The following RBFOX2 variants were observed in gnomAD, a reference collection of about 807,000 sequenced individuals.
The protein encoded by RBFOX2 is RNA binding fox-1 homolog 2.
A neutral mutation model predicts 49.1 loss-of-function variants in RBFOX2; 10 were observed. The observed-to-expected ratio is 0.20, with a 90% CI of 0.13 to 0.35. The LOEUF (loss-of-function observed/expected upper bound fraction) is 0.35, where lower values mean the gene tolerates loss of function less well. Ranked by LOEUF, RBFOX2 falls within the 10% of genes least tolerant of loss-of-function variation. The pLI is 1.00. For synonymous variants in RBFOX2, 183 were observed against 187.4 expected (o/e 0.98, Z 0.19); for missense variants, 323 against 486.9 (o/e 0.66, Z 3.17).
chr22:35,952,469 C>A (rs187269516), intron 1 of RBFOX2, among the ~76,000 whole-genome samples: 1 of 152,176 alleles, frequency 6.6e-6, no homozygotes, highest in Non-Finnish European at 1.5e-5. Context: ...CCTCAAGGAA[C>A]TTTAGTCTAT....
intron 1 of RBFOX2, among the ~76,000 whole-genome samples, chr22:35,823,267 C>G (rs1171386300): frequency 6.6e-6 from 1 of 152,218 alleles, no homozygotes; most frequent in African/African-American, 2.4e-5. Context: ...TTTTCTGTCT[C>G]TTTCATTTTT....
intron 1 of RBFOX2, chr22:35,836,369 T>C (rs1485708637): frequency 6.6e-6 from 1 of 152,176 alleles, no homozygotes; most frequent in Non-Finnish European, 1.5e-5. Context: ...CTCCCTCTTC[T>C]CTTCTCCCAA....
At chr22:35,971,051 T>A (rs2056843111) in intron 1 of RBFOX2, among the ~76,000 whole-genome samples, 1 of 152,130 alleles carries the variant, frequency 6.6e-6, no homozygotes, top group African/African-American at 2.4e-5. Context: ...GAACAATTCA[T>A]AGTGCCTGCA....
At chr22:35,820,302 G>A (rs753103694) in intron 1 of RBFOX2, among the ~76,000 whole-genome samples, 4 of 152,198 alleles carry the variant, frequency 2.6e-5, no homozygotes, top group African/African-American at 4.8e-5. Context: ...GAGATGAAGA[G>A]GGTTTGGTGC....
intron 2 of RBFOX2, among the ~76,000 whole-genome samples, chr22:35,784,757 G>A (rs923170048): frequency 6.6e-6 from 1 of 152,248 alleles, no homozygotes; most frequent in Admixed American, 6.5e-5. Context: ...GGCCATGGTG[G>A]TGGCCCATGG....
intron 1 of RBFOX2, among the ~76,000 whole-genome samples, chr22:35,898,617 G>A (rs1340897340): frequency 4.6e-5 from 7 of 151,538 alleles, no homozygotes; most frequent in African/African-American, 7.3e-5. Context: ...TGGTAGAAAC[G>A]GGGTTTCACT....
intron 1 of RBFOX2, among the ~76,000 whole-genome samples, chr22:35,968,129 A>C (rs2056669802): frequency 6.6e-6 from 1 of 152,186 alleles, no homozygotes; most frequent in Admixed American, 6.5e-5. Context: ...AAAAAGCCAA[A>C]AGCCAAACTT....
At chr22:35,844,826 G>A (rs1368365770), upstream of RBFOX2, among the ~76,000 whole-genome samples, 1 of 151,944 alleles carries the variant, frequency 6.6e-6, no homozygotes, top group East Asian at 1.9e-4. Context: ...TTTATTTTCA[G>A]TATCTTTCAG....
chr22:35,990,044 A>G (rs1287009940), intron 1 of RBFOX2, among the ~76,000 whole-genome samples: 1 of 152,126 alleles, frequency 6.6e-6, no homozygotes, highest in Admixed American at 6.5e-5. Flanking sequence ...TCAGCTGGGC[A>G]TGGTAGCACA....
At chr22:35,902,330 C>A (rs2048687867) in intron 1 of RBFOX2, among the ~76,000 whole-genome samples, 3 of 152,048 alleles carry the variant, frequency 2.0e-5, no homozygotes, top group Admixed American at 2.0e-4. Flanking sequence ...CTTGCAAATA[C>A]CCTCAATCAT....
intron 2 of RBFOX2, among the ~76,000 whole-genome samples, chr22:35,803,097 T>C (rs1950067017): frequency 6.6e-6 from 1 of 151,902 alleles, no homozygotes; most frequent in African/African-American, 2.4e-5. Context: ...AGTGGCCGTA[T>C]ACTGTGTGGG....
At chr22:35,961,741 C>T (rs78630440), upstream of RBFOX2, 95,603 of 1,232,638 alleles carry the variant, frequency 0.078, 4,031 homozygotes, top group South Asian at 0.096. Context: ...GTTTTCCGTT[C>T]TCCCCACACC....
chr22:35,835,271 G>C (rs1452329493), intron 1 of RBFOX2, among the ~76,000 whole-genome samples: 1 of 152,138 alleles, frequency 6.6e-6, no homozygotes, highest in Non-Finnish European at 1.5e-5. Context: ...TCCCGGAGAG[G>C]AATGGTATAC....
At chr22:35,924,298 A>C (rs535852527) in intron 1 of RBFOX2, among the ~76,000 whole-genome samples, 55 of 152,300 alleles carry the variant, frequency 3.6e-4, no homozygotes, top group African/African-American at 1.2e-3. Context: ...CTTTATCTTA[A>C]ACGATCCTGT....
upstream of RBFOX2, among the ~76,000 whole-genome samples, chr22:35,940,552 TAG>T (rs1347917756): frequency 2.6e-5 from 4 of 152,170 alleles, no homozygotes; most frequent in African/African-American, 4.8e-5. Flanking sequence ...CTATTAAACA[TAG>T]AGTTATATGA....
intron 1 of RBFOX2, among the ~76,000 whole-genome samples, chr22:35,919,655 C>T (rs145972613): frequency 1.2e-4 from 19 of 152,242 alleles, no homozygotes; most frequent in African/African-American, 4.6e-4. Flanking sequence ...ATGCTAAAAG[C>T]CACACACTTT....
chr22:35,756,903 A>C (rs1937129989), intron 9 of RBFOX2, among the ~76,000 whole-genome samples: 1 of 152,116 alleles, frequency 6.6e-6, no homozygotes, highest in Admixed American at 6.5e-5. Context: ...CATTGCTTTC[A>C]CAAGCAGAGA....
At chr22:35,810,665 C>A (rs575947619) in intron 1 of RBFOX2, among the ~76,000 whole-genome samples, 2 of 152,240 alleles carry the variant, frequency 1.3e-5, no homozygotes, top group South Asian at 4.1e-4. Flanking sequence ...AAGTCCAAGT[C>A]TTTAGTCATC....
rs1490914054 is a variant in RBFOX2 at position 35,956,985 on chromosome 22, C to T, written c.42+4578G>A. Among the ~76,000 whole-genome samples the T allele has an allele frequency of 9.9e-5, 15 of 152,192 alleles. 1 individual carries two copies. Among genetic ancestry groups the T allele is most frequent in the Non-Finnish European group, 2.2e-4 (15 of 68,036 alleles). Reference sequence around the variant, plus strand: ...TGTTTGGTGGTGAAGAACATAACTACTCAGTCGTCATTACATTCTTTGGTA... The same window carrying T: ...TGTTTGGTGGTGAAGAACATAACTATTCAGTCGTCATTACATTCTTTGGTA... On this transcript the variant is annotated intron_variant, in intron 1 of 5. Transcript: ENST00000408983.
Sources: allele counts gnomAD v4.1 joint callset (sites outside exome capture counted in the v4.1 genomes callset), GRCh38; gene constraint gnomAD v4.1.1; transcripts MANE v1.5; gene names NCBI Gene and HGNC (gene_info 2026-07-23, HGNC 2026-07-21).